The following RFX1 variants were observed in gnomAD, a reference collection of about 807,000 sequenced individuals.
RFX1 encodes regulatory factor X1.
RFX1 carries 42 observed loss-of-function variants against 119.6 expected under a neutral mutation model. The observed-to-expected ratio is 0.35, with a 90% CI of 0.27 to 0.45. The LOEUF (loss-of-function observed/expected upper bound fraction) is 0.45, where lower values mean the gene tolerates loss of function less well. RFX1 is among the 20% of genes least tolerant of loss of function. The pLI is 1.00. For synonymous variants in RFX1, 628 were observed against 618.5 expected (o/e 1.02, Z -0.23); for missense variants, 1,118 against 1,368.1 (o/e 0.82, Z 2.88).
intron 5 of RFX1, among the ~76,000 whole-genome samples, chr19:13,981,790 G>C (rs1264966461): frequency 2.0e-5 from 3 of 152,192 alleles, no homozygotes; most frequent in Non-Finnish European, 2.9e-5. Flanking sequence ...CCCACCCTCC[G>C]GGGGGAAGAG....
At position 13,962,283 on chromosome 19, in the gene RFX1, T is replaced by TGGGCCCAGGACAGGCTGTGCA; in HGVS notation, c.*391_*411dup. The TGGGCCCAGGACAGGCTGTGCA allele has an allele frequency of 5.3e-6, 1 of 187,630 alleles. No individual in the cohort carries two copies. Among genetic ancestry groups the TGGGCCCAGGACAGGCTGTGCA allele is most frequent in the South Asian group, 1.1e-4 (1 of 8,738 alleles). 11.6% of individuals were successfully genotyped at this position (187,630 alleles called of 1,614,324 possible). A position where few individuals can be genotyped will look rare whatever the true frequency, so the allele number is the denominator to read the frequency against. On this transcript the variant is annotated 3_prime_UTR_variant, in exon 21 of 21. Transcript: ENST00000254325. Reference sequence around the variant, plus strand: ...CCTGCGCCGGCCCGGGGCTCAGGGCTGGGCCCAGGACAGGCTGTGCAAAGC... The same window carrying TGGGCCCAGGACAGGCTGTGCA: ...CCTGCGCCGGCCCGGGGCTCAGGGCTGGGCCCAGGACAGGCTGTGCAGGGCCCAGGACAGGCTGTGCAAAGC...
rs189977469 is a variant in RFX1, at chr19:13,977,244, G to A, written c.929+748C>T. On this transcript the variant is annotated intron_variant, in intron 8 of 20. Transcript: ENST00000254325. ...CAGGAGGCAGAGGTTGCAGTGAGCCGAGATCACACCACTGCACTCCAGCCT... is the reference window on the plus strand; with the variant it reads ...CAGGAGGCAGAGGTTGCAGTGAGCCAAGATCACACCACTGCACTCCAGCCT... Among the ~76,000 whole-genome samples the A allele has an allele frequency of 5.4e-3, 798 of 147,278 alleles. 7 individuals are homozygous for A. Among genetic ancestry groups the A allele is most frequent in the African/African-American group, 0.019 (745 of 39,798 alleles).
At chr19:14,006,430 C>G (rs1428823778), upstream of RFX1, 1 of 152,250 alleles carries the variant, frequency 6.6e-6, no homozygotes, top group Non-Finnish European at 1.5e-5. Context: ...ACTATTAGTT[C>G]CGATGCACGC....
rs998276231 is a variant in RFX1 at position 13,968,527 on chromosome 19, G to C, written c.1732+38C>G. 6.6e-7 allele frequency: 1 copy of C among 1,514,484 alleles called. No individual in the cohort carries two copies. Among genetic ancestry groups the C allele is most frequent in the African/African-American group, 1.4e-5 (1 of 73,152 alleles). 93.8% of individuals were successfully genotyped at this position (1,514,484 alleles called of 1,614,324 possible). On this transcript the variant is annotated intron_variant, in intron 12 of 20. Transcript: ENST00000254325. This position sits in a 1 kb window ranked among gnomAD's most constrained non-coding sequence, Gnocchi z 5.5. The stretch of plus-strand genomic sequence containing the variant: ...GGGAACCGTCTGCACGGGGCAGGGA[G>C]GCGGTGGTTGGGGAAGCACGGGCCA...
chr19:13,965,956 C>T lies in RFX1; in HGVS notation c.1962-179G>A, dbSNP rs923207356. On this transcript the variant is annotated intron_variant, in intron 14 of 20. Transcript: ENST00000254325. The surrounding 1 kb of genome is among the most constrained non-coding windows in gnomAD (Gnocchi z 4.7). Reference sequence around the variant, plus strand: ...CCCCCACTCCAGGGTCAGTGGGGCACTCTGTGTCTTGCCTCCAGTGCCAGA... The same window carrying T: ...CCCCCACTCCAGGGTCAGTGGGGCATTCTGTGTCTTGCCTCCAGTGCCAGA... Among the ~76,000 whole-genome samples, 1 of 151,954 alleles carries T rather than the reference C, an allele frequency of 6.6e-6. No individual in the cohort carries two copies. Among genetic ancestry groups the T allele is most frequent in the South Asian group, 2.1e-4 (1 of 4,824 alleles).
rs1042830697 is a variant in RFX1, at chr19:13,971,402, C to T, written c.1315-1227G>A. On this transcript the variant is annotated intron_variant, in intron 9 of 20. Coordinates refer to ENST00000254325, the MANE Select transcript of RFX1 (RefSeq NM_002918.5). ...GCTACATCAGGACCATGAGGGACCACCAGGACCACCAGCGCTGACCCACCC... is the reference window on the plus strand; with the variant it reads ...GCTACATCAGGACCATGAGGGACCATCAGGACCACCAGCGCTGACCCACCC... 2.0e-5 allele frequency among the ~76,000 whole-genome samples: 3 copies of T among 152,012 alleles called. No homozygotes were observed. The South Asian group carries it at 6.3e-4, about 32-fold the overall frequency.
chr19:13,981,899 C>T (rs1316121143), intron 5 of RFX1, among the ~76,000 whole-genome samples: 3 of 152,234 alleles, frequency 2.0e-5, no homozygotes, highest in Admixed American at 6.5e-5. Context: ...CAGAGCTCCA[C>T]GGCCGCTTAG....
At chr19:13,993,408 C>T (rs1293592929) in intron 2 of RFX1, 117 bp downstream of exon 2, 5 of 1,010,926 alleles carry the variant, frequency 4.9e-6, no homozygotes, top group Non-Finnish European at 7.2e-6. Flanking sequence ...TAGTGATACC[C>T]CAAGTCCCAT....
chr19:13,977,467 A>G (rs1974284393), intron 8 of RFX1, among the ~76,000 whole-genome samples: 1 of 151,500 alleles, frequency 6.6e-6, no homozygotes, highest in East Asian at 2.0e-4. Context: ...CCCAGGCTAG[A>G]GTACAGTGGC....
At chr19:13,988,105 C>T (rs1974668934) in intron 2 of RFX1, among the ~76,000 whole-genome samples, 1 of 151,162 alleles carries the variant, frequency 6.6e-6, no homozygotes, top group Non-Finnish European at 1.5e-5. Flanking sequence ...CGACTCACTG[C>T]AACCTCCACC....
chr19:13,963,004 G>A lies in RFX1; in HGVS notation c.2760C>T (p.Asp920=), dbSNP rs1411712237. ...ACACGCCTCGCCTACCTTTGTCGGG[G>A]TCCAGGGGGTTCAGGGAGGTGGCCA... The part of the protein sequence containing the change: ...ANLATSLNPL[D]PDKDEEEEEE... The change falls in exon 20 of 21, where the codon GAC becomes GAT. Residue 920 remains aspartate (D), a synonymous_variant. Coordinates refer to ENST00000254325, the MANE Select transcript of RFX1 (RefSeq NM_002918.5). 1.4e-5 allele frequency: 21 copies of A among 1,551,944 alleles called. No homozygotes were observed. Among genetic ancestry groups the A allele is most frequent in the Non-Finnish European group, 1.8e-5 (21 of 1,147,342 alleles).
At position 13,980,216 on chromosome 19, in the gene RFX1, G is replaced by T. The variant is rs1974383479; in HGVS notation, c.738+357C>A. 6.6e-6 allele frequency among the ~76,000 whole-genome samples: 1 copy of T among 152,116 alleles called. No homozygotes were observed. Among genetic ancestry groups the T allele is most frequent in the East Asian group, 1.9e-4 (1 of 5,178 alleles). On this transcript the variant is annotated intron_variant, in intron 6 of 20. Transcript: ENST00000254325. The surrounding 1 kb of genome is among the most constrained non-coding windows in gnomAD (Gnocchi z 5.1). ...AGGCTGGGTGTGGATTTGGGGGCTG[G>T]GTCCCCTCCCTGAAATCCTCCCCAG... is the stretch of plus-strand genomic sequence containing the variant.
chr19:13,973,565 C>T (rs1175524486), intron 8 of RFX1, among the ~76,000 whole-genome samples: 1 of 152,070 alleles, frequency 6.6e-6, no homozygotes, highest in Non-Finnish European at 1.5e-5. Flanking sequence ...TGAGCTATAA[C>T]CATACTACCA....
chr19:14,000,523 C>T lies in RFX1; in HGVS notation c.-53+5580G>A, dbSNP rs368906697. Reference sequence around the variant, plus strand: ...TCGCACACATCTCCTAATGACTGGGCGCAGTGCTCACATCTATAATCCCAC... The same window carrying T: ...TCGCACACATCTCCTAATGACTGGGTGCAGTGCTCACATCTATAATCCCAC... On this transcript the variant is annotated intron_variant, in intron 1 of 20. Transcript: ENST00000254325. Among the ~76,000 whole-genome samples, 20 of 152,204 alleles carry T rather than the reference C, an allele frequency of 1.3e-4. No homozygotes were observed. In the South Asian group the frequency reaches 3.9e-3, roughly 30 times the overall value.
chr19:13,994,007 A>G, intron 1 of RFX1, 112 bp from the exon 2 acceptor site: 1 of 678,038 alleles, frequency 1.5e-6, no homozygotes. Flanking sequence ...GGTTCCCTGG[A>G]GATGTGCTTG....
At chr19:13,977,909 G>GGACTGGGGACTGGTGTCCTGGGA in intron 8 of RFX1, 83 bp downstream of exon 8, 1 of 1,077,276 alleles carries the variant, frequency 9.3e-7, no homozygotes. Flanking sequence ...CTGGGGGCTG[G>GGACTGGGGACTGGTGTCCTGGGA]GACTGGGGAC....
In RFX1 at chr19:13,963,288, A is replaced by T. The variant is rs1247582260; in HGVS notation, c.2571-13T>A. 1 of 1,604,294 alleles carries T rather than the reference A, an allele frequency of 6.2e-7. No homozygotes were observed. Among genetic ancestry groups the T allele is most frequent in the South Asian group, 1.1e-5 (1 of 90,672 alleles). On this transcript the variant is annotated splice_polypyrimidine_tract_variant and intron_variant, in intron 18 of 20. Transcript: ENST00000254325. ...GATCACCATGGAGCTGGGGATGGAGACGGAGAGGAGACCGTCAGGCCCCGT... is the reference window on the plus strand; with the variant it reads ...GATCACCATGGAGCTGGGGATGGAGTCGGAGAGGAGACCGTCAGGCCCCGT...
chr19:13,993,244 G>A (rs970306668), intron 2 of RFX1, among the ~76,000 whole-genome samples: 3 of 152,164 alleles, frequency 2.0e-5, no homozygotes, highest in Non-Finnish European at 4.4e-5. Context: ...GCTGTGAGCT[G>A]TGATTGTGCC....
chr19:13,974,291 G>A (rs1033291387), intron 8 of RFX1, among the ~76,000 whole-genome samples: 1 of 152,194 alleles, frequency 6.6e-6, no homozygotes, highest in African/African-American at 2.4e-5. Flanking sequence ...CAGGAATGCA[G>A]ATATGTTTCC....
Sources: gnomAD v4.1 joint callset for allele counts (sites outside exome capture counted in the v4.1 genomes callset) on GRCh38, gnomAD v4.1.1 for gene constraint, Gnocchi (gnomAD v3.1) non-coding constraint, MANE v1.5 for transcripts, NCBI Gene and HGNC (gene_info 2026-07-23, HGNC 2026-07-21) for gene names.